SCRG1: variants seen among roughly 807,000 people sequenced by gnomAD.
SCRG1 encodes the protein stimulator of chondrogenesis 1.
Under a neutral mutation model 7.7 loss-of-function variants are expected in SCRG1, and 3 were observed. That is an observed-to-expected ratio of 0.39 (90% CI 0.18 to 1.01). The LOEUF (loss-of-function observed/expected upper bound fraction) is 1.01, where lower values mean the gene tolerates loss of function less well. SCRG1 is among the 50% of genes least tolerant of loss of function. SCRG1 has a pLI of 0.36. For missense variants in SCRG1, 110 were observed against 117.2 expected, an observed-to-expected ratio of 0.94 and a Z score of 0.28; for synonymous variants, 46 against 41.2, an observed-to-expected ratio of 1.12 and a Z score of -0.44.
the SCRG1 span, among the ~76,000 whole-genome samples, chr4:173,515,706 C>A: frequency 6.6e-6 from 1 of 152,008 alleles, no homozygotes; most frequent in African/African-American, 2.4e-5. The surrounding 1 kb of genome is among the most constrained non-coding windows in gnomAD (Gnocchi z 4.6). Context: ...CCAGGGACTA[C>A]GACTTCAGGT....
the SCRG1 span, among the ~76,000 whole-genome samples, chr4:173,427,631 G>A: frequency 6.6e-6 from 1 of 152,214 alleles, no homozygotes; most frequent in Non-Finnish European, 1.5e-5. Flanking sequence ...CAGCCTGGTA[G>A]GAGGAGCGCA....
Position 173,387,396 on chromosome 4 carries a change from A to G in SCRG1, c.*945T>C, listed in dbSNP as rs1739272957. Reference sequence around the variant, plus strand: ...GTCTCACTCTGTGGTTCCATGGTGGAGTTCAGTGGCATCATCTTAGCTCAC... The same window carrying G: ...GTCTCACTCTGTGGTTCCATGGTGGGGTTCAGTGGCATCATCTTAGCTCAC... On this transcript the variant is annotated 3_prime_UTR_variant, in exon 3 of 3. Coordinates refer to ENST00000296506, the MANE Select transcript of SCRG1 (RefSeq NM_007281.4). The G allele has an allele frequency of 6.6e-6, 1 of 152,192 alleles. No individual in the cohort carries two copies. Among genetic ancestry groups the G allele is most frequent in the Non-Finnish European group, 1.5e-5 (1 of 68,084 alleles). 9.4% of individuals were successfully genotyped at this position (152,192 alleles called of 1,614,324 possible).
chr4:173,499,105 T>C, the SCRG1 span, among the ~76,000 whole-genome samples: 3 of 152,196 alleles, frequency 2.0e-5, no homozygotes, highest in African/African-American at 7.2e-5. The surrounding 1 kb of genome is among the most constrained non-coding windows in gnomAD (Gnocchi z 4.1). Context: ...TAATATTAAT[T>C]CTGCATGTTA....
At chr4:173,391,496 G>A in intron 1 of SCRG1, 68 bp from the exon 2 acceptor site, 1 of 1,504,930 alleles carries the variant, frequency 6.6e-7, no homozygotes, top group Admixed American at 1.7e-5. Context: ...TCTGAATGAA[G>A]TTCTGTAGCA....
At chr4:173,418,335 G>C in the SCRG1 span, among the ~76,000 whole-genome samples, 2 of 152,264 alleles carry the variant, frequency 1.3e-5, no homozygotes, top group South Asian at 4.1e-4. Flanking sequence ...GACCTCCCCC[G>C]TGAGAACAGC....
chr4:173,467,258 T>G, the SCRG1 span, among the ~76,000 whole-genome samples: 2 of 152,188 alleles, frequency 1.3e-5, no homozygotes, highest in African/African-American at 2.4e-5. Flanking sequence ...ATTTTCCTGT[T>G]GTAGTAAAGA....
At chr4:173,394,620 G>C (rs1370802983) in intron 1 of SCRG1, among the ~76,000 whole-genome samples, 1 of 151,862 alleles carries the variant, frequency 6.6e-6, no homozygotes, top group Non-Finnish European at 1.5e-5. Context: ...ACCTGAGTCT[G>C]GGTGACAGAG....
the SCRG1 span, among the ~76,000 whole-genome samples, chr4:173,426,210 G>A: frequency 1.3e-5 from 2 of 152,126 alleles, no homozygotes; most frequent in Non-Finnish European, 2.9e-5. Flanking sequence ...GCCCTGTTTG[G>A]TACTGTCTGT....
the SCRG1 span, among the ~76,000 whole-genome samples, chr4:173,442,010 AC>A: frequency 6.6e-6 from 1 of 152,216 alleles, no homozygotes; most frequent in Non-Finnish European, 1.5e-5. Flanking sequence ...ACAAAGTTCA[AC>A]TTTTGGCTCA....
chr4:173,448,128 C>A, the SCRG1 span, among the ~76,000 whole-genome samples: 2 of 152,140 alleles, frequency 1.3e-5, no homozygotes, highest in East Asian at 3.9e-4. Flanking sequence ...CCAAACAAAC[C>A]AAAAAAACCC....
the SCRG1 span, among the ~76,000 whole-genome samples, chr4:173,432,301 CCCT>C: frequency 0.013 from 1,744 of 138,910 alleles, 40 homozygotes; most frequent in African/African-American, 0.044. Flanking sequence ...CTTCCTCCCC[CCCT>C]CCCTCCCTCC....
chr4:173,424,445 C>A, the SCRG1 span, among the ~76,000 whole-genome samples: 5 of 152,162 alleles, frequency 3.3e-5, no homozygotes, highest in African/African-American at 1.2e-4. Flanking sequence ...TTAGCTGTTT[C>A]TTCTAACCCA....
chr4:173,481,062 CA>C, the SCRG1 span, among the ~76,000 whole-genome samples: 1 of 151,908 alleles, frequency 6.6e-6, no homozygotes, highest in Non-Finnish European at 1.5e-5. Flanking sequence ...TCCAAATGAG[CA>C]AAAAATTTAA....
intron 1 of SCRG1, chr4:173,406,242 G>A (rs561442021): frequency 4.6e-5 from 7 of 152,228 alleles, no homozygotes; most frequent in Admixed American, 1.3e-4. Context: ...TAGCAGCATC[G>A]GAATTGTTGG....
the SCRG1 span, among the ~76,000 whole-genome samples, chr4:173,418,265 T>C: frequency 6.6e-6 from 1 of 152,226 alleles, no homozygotes; most frequent in Non-Finnish European, 1.5e-5. Flanking sequence ...GTGAACTTGA[T>C]ATTTGCTGCC....
chr4:173,501,156 G>T, the SCRG1 span, among the ~76,000 whole-genome samples: 86 of 152,196 alleles, frequency 5.7e-4, no homozygotes, highest in African/African-American at 2.0e-3. The surrounding 1 kb of genome is among the most constrained non-coding windows in gnomAD (Gnocchi z 5.1). Context: ...CCGAGCTCCC[G>T]CTGCTTCCGG....
the SCRG1 span, among the ~76,000 whole-genome samples, chr4:173,432,305 CCCT>C: frequency 1.5e-5 from 2 of 129,930 alleles, no homozygotes; most frequent in African/African-American, 6.0e-5. Flanking sequence ...CTCCCCCCCT[CCCT>C]CCCTCCTTCC....
chr4:173,518,978 C>G, the SCRG1 span, among the ~76,000 whole-genome samples: 2 of 151,914 alleles, frequency 1.3e-5, no homozygotes, highest in Admixed American at 6.6e-5. Context: ...CCCCTACCCA[C>G]CGGGTTGCCT....
At chr4:173,501,465 C>A in the SCRG1 span, among the ~76,000 whole-genome samples, 1 of 152,204 alleles carries the variant, frequency 6.6e-6, no homozygotes, top group Non-Finnish European at 1.5e-5. This position sits in a 1 kb window ranked among gnomAD's most constrained non-coding sequence, Gnocchi z 5.1. Context: ...TCCCAGTGCG[C>A]CTGTGGTTGC....
Sources: allele counts gnomAD v4.1 joint callset (sites outside exome capture counted in the v4.1 genomes callset), GRCh38; gene constraint gnomAD v4.1.1; non-coding constraint Gnocchi (gnomAD v3.1); transcripts MANE v1.5; gene names NCBI Gene and HGNC (gene_info 2026-07-23, HGNC 2026-07-21).